TNRC6B: variants seen among roughly 807,000 people sequenced by gnomAD.
The protein encoded by TNRC6B is trinucleotide repeat-containing gene 6B protein.
Under a neutral mutation model 203.6 loss-of-function variants are expected in TNRC6B, and 52 were observed. That is an observed-to-expected ratio of 0.26 (90% CI 0.20 to 0.32). The LOEUF (loss-of-function observed/expected upper bound fraction) is 0.32. Ranked by LOEUF, TNRC6B falls within the 10% of genes least tolerant of loss-of-function variation. The probability of loss-of-function intolerance (pLI) is 1.00; values close to 1 mark genes in which losing one functional copy is unlikely to be tolerated. For synonymous variants in TNRC6B, 838 were observed against 845.7 expected (o/e 0.99, Z 0.16); for missense variants, 1,923 against 2,286.2 (o/e 0.84, Z 3.24).
chr22:40,150,238 C>T (rs1358145669), intron 3 of TNRC6B, among the ~76,000 whole-genome samples: 1 of 152,094 alleles, frequency 6.6e-6, no homozygotes, highest in South Asian at 2.1e-4. Context: ...ATTAGCCAGG[C>T]GTGGTCGTGG....
intron 1 of TNRC6B, among the ~76,000 whole-genome samples, chr22:40,219,926 C>T (rs536202724): frequency 6.6e-6 from 1 of 152,166 alleles, no homozygotes; most frequent in Non-Finnish European, 1.5e-5. Flanking sequence ...TCTCCTCTGT[C>T]CTGAGTACCC....
intron 1 of TNRC6B, among the ~76,000 whole-genome samples, chr22:40,079,468 GT>G (rs969061287): frequency 1.3e-5 from 2 of 152,006 alleles, no homozygotes; most frequent in Non-Finnish European, 2.9e-5. Context: ...GAAGTCTCCA[GT>G]TTTAACTGAG....
intron 2 of TNRC6B, among the ~76,000 whole-genome samples, chr22:40,248,037 T>G (rs1454302542): frequency 6.6e-6 from 1 of 150,740 alleles, no homozygotes; most frequent in South Asian, 2.1e-4. Context: ...ATTGCACCAC[T>G]GCACCCCAGC....
chr22:40,125,319 A>T (rs2068480268), intron 2 of TNRC6B, among the ~76,000 whole-genome samples: 1 of 152,210 alleles, frequency 6.6e-6, no homozygotes, highest in African/African-American at 2.4e-5. Flanking sequence ...AACGTTATTC[A>T]TAAATTATAA....
chr22:40,147,938 A>G lies in TNRC6B; in HGVS notation c.46-8177A>G, dbSNP rs558721153. Among the ~76,000 whole-genome samples, 4 of 152,336 alleles carry G rather than the reference A, an allele frequency of 2.6e-5. No individual in the cohort carries two copies. In the East Asian group the frequency reaches 7.7e-4, roughly 29 times the overall value. On this transcript the variant is annotated intron_variant, in intron 3 of 23. Coordinates refer to the TNRC6B transcript ENST00000301923. Reference sequence around the variant, plus strand: ...AGTAGTTTCTTTTGGAATGATGAAAAAGTTCTAAGATTGGATTGTGGTAGT... The same window carrying G: ...AGTAGTTTCTTTTGGAATGATGAAAGAGTTCTAAGATTGGATTGTGGTAGT...
chr22:40,311,987 C>G (rs1194230801), intron 17 of TNRC6B, among the ~76,000 whole-genome samples: 1 of 152,208 alleles, frequency 6.6e-6, no homozygotes, highest in Non-Finnish European at 1.5e-5. Context: ...ATTCCGAGCC[C>G]TTATGTATAT....
chr22:40,126,243 A>AATTTT (rs947838472), intron 3 of TNRC6B, among the ~76,000 whole-genome samples: 151 of 152,178 alleles, frequency 9.9e-4, no homozygotes, highest in African/African-American at 3.3e-3. Context: ...TTCTATTACA[A>AATTTT]ATTTTATTTT....
At chr22:40,088,488 T>G (rs1055774595) in intron 1 of TNRC6B, among the ~76,000 whole-genome samples, 2 of 152,112 alleles carry the variant, frequency 1.3e-5, no homozygotes, top group African/African-American at 4.8e-5. Flanking sequence ...CTCAGCTTAC[T>G]GCAACCTCCG....
intron 1 of TNRC6B, among the ~76,000 whole-genome samples, chr22:40,236,993 C>A (rs1433501646): frequency 6.6e-6 from 1 of 152,094 alleles, no homozygotes; most frequent in East Asian, 1.9e-4. Context: ...GGTGAAACCC[C>A]ATCTCTACTA....
At chr22:40,154,747 A>G (rs2068795895) in intron 3 of TNRC6B, among the ~76,000 whole-genome samples, 2 of 145,620 alleles carry the variant, frequency 1.4e-5, no homozygotes, top group Non-Finnish European at 3.0e-5. Flanking sequence ...AAGCTGAGGC[A>G]GGAGAATGGT....
chr22:40,255,278 G>A (rs1468947121), intron 3 of TNRC6B, among the ~76,000 whole-genome samples: 2 of 152,212 alleles, frequency 1.3e-5, no homozygotes, highest in African/African-American at 4.8e-5. Flanking sequence ...TTTTTTAGGT[G>A]TTGTCCTTTG....
intron 7 of TNRC6B, among the ~76,000 whole-genome samples, chr22:40,276,582 C>G (rs980954930): frequency 1.3e-5 from 2 of 152,190 alleles, no homozygotes; most frequent in Non-Finnish European, 2.9e-5. Context: ...CACTAGGTCT[C>G]TTTACCACCA....
chr22:40,073,287 CG>C (rs111367697), intron 1 of TNRC6B, among the ~76,000 whole-genome samples: 1 of 151,754 alleles, frequency 6.6e-6, no homozygotes, highest in Non-Finnish European at 1.5e-5. Context: ...ATATAGAACA[CG>C]TTTTTTGTTA....
intron 3 of TNRC6B, among the ~76,000 whole-genome samples, chr22:40,136,509 C>T (rs2068601311): frequency 6.6e-6 from 1 of 151,736 alleles, no homozygotes; most frequent in Admixed American, 6.6e-5. Context: ...AAGGGATCCT[C>T]CTGCCTCAGC....
At chr22:40,186,599 G>T (rs752523630) in intron 1 of TNRC6B, among the ~76,000 whole-genome samples, 4 of 151,714 alleles carry the variant, frequency 2.6e-5, no homozygotes, top group African/African-American at 9.7e-5. Flanking sequence ...TTAGCCGGGC[G>T]TGGTGGCGGA....
intron 2 of TNRC6B, among the ~76,000 whole-genome samples, chr22:40,247,002 CGGCAGAGTTGTCCAA>C (rs768229433): frequency 5.9e-5 from 9 of 152,128 alleles, no homozygotes; most frequent in Non-Finnish European, 8.8e-5. Context: ...GCGGTTTGTC[CGGCAGAGTTGTCCAA>C]GGCAGAGTGG....
At chr22:40,181,907 C>G (rs1427545626) in intron 1 of TNRC6B, among the ~76,000 whole-genome samples, 2 of 146,290 alleles carry the variant, frequency 1.4e-5, no homozygotes, top group Non-Finnish European at 3.0e-5. Flanking sequence ...GATCGTGCCA[C>G]TGCATTCCAG....
intron 1 of TNRC6B, among the ~76,000 whole-genome samples, chr22:40,095,923 A>G (rs1017064805): frequency 2.6e-5 from 4 of 152,048 alleles, no homozygotes; most frequent in African/African-American, 9.7e-5. Context: ...GTTATTGATA[A>G]AGTGGCTCAT....
At position 40,264,844 on chromosome 22, in the gene TNRC6B, G is replaced by A. The variant is rs1569044089; in HGVS notation, c.614G>A (p.Ser205Asn). ...SDMEEWPCIA[S>N]KDTESSSENT... is the part of the protein sequence containing the mutation. Reference sequence around the variant, plus strand: ...ATGGAAGAGTGGCCTTGTATTGCCAGCAAAGACACTGAATCTTCTTCCGAA... The same window carrying A: ...ATGGAAGAGTGGCCTTGTATTGCCAACAAAGACACTGAATCTTCTTCCGAA... The change falls in exon 5 of 23, where the codon AGC becomes AAC. Residue 205 changes from serine to asparagine, a missense_variant. Ser to Asn is a conservative substitution (Grantham distance 46, BLOSUM62 1). Around this residue, in one of 8 missense-constraint regions of TNRC6B, gnomAD observed 614 missense variants for 587.7 expected, o/e 1.04. Transcript: ENST00000454349. 3 of 1,613,920 alleles carry A rather than the reference G, an allele frequency of 1.9e-6. No homozygotes were observed. Among genetic ancestry groups the A allele is most frequent in the Non-Finnish European group, 1.7e-6 (2 of 1,179,888 alleles).
Sources: allele counts gnomAD v4.1 joint callset (sites outside exome capture counted in the v4.1 genomes callset), GRCh38; gene constraint gnomAD v4.1.1; regional missense constraint gnomAD v4.1.1; transcripts MANE v1.5; gene names NCBI Gene and HGNC (gene_info 2026-07-23, HGNC 2026-07-21).